DOCK4: variants seen among roughly 807,000 people sequenced by gnomAD.
DOCK4 encodes the protein dedicator of cytokinesis protein 4.
In DOCK4, 97 loss-of-function variants were observed where a neutral mutation model predicts 268.1. The ratio of observed to expected loss-of-function variants is 0.36; its 90% CI spans 0.31 to 0.43. The LOEUF is 0.43. DOCK4 is among the 20% of genes least tolerant of loss of function. DOCK4 has a pLI of 1.00. For synonymous variants in DOCK4, 954 were observed against 887.2 expected, an observed-to-expected ratio of 1.08 and a Z score of -1.34; for missense variants, 2,145 against 2,455.7, an observed-to-expected ratio of 0.87 and a Z score of 2.67.
At chr7:112,106,588 C>T (rs1398386843) in intron 1 of DOCK4, among the ~76,000 whole-genome samples, 2 of 152,224 alleles carry the variant, frequency 1.3e-5, no homozygotes, top group East Asian at 1.9e-4. Flanking sequence ...CTGCATTCCT[C>T]GCCTAGCCAA....
intron 1 of DOCK4, among the ~76,000 whole-genome samples, chr7:112,102,987 T>G (rs1810828151): frequency 6.6e-6 from 1 of 152,228 alleles, no homozygotes; most frequent in Non-Finnish European, 1.5e-5. Flanking sequence ...ATAAGAAGTT[T>G]AAAAAATGTT....
intron 1 of DOCK4, among the ~76,000 whole-genome samples, chr7:112,093,327 G>A (rs927805965): frequency 6.6e-6 from 1 of 151,884 alleles, no homozygotes; most frequent in African/African-American, 2.4e-5. Flanking sequence ...ATTCTTTCTG[G>A]GCAATTAACG....
intron 16 of DOCK4, among the ~76,000 whole-genome samples, chr7:111,885,451 T>A (rs1807759373): frequency 6.6e-6 from 1 of 152,226 alleles, no homozygotes; most frequent in South Asian, 2.1e-4. Context: ...GAAGACACTG[T>A]CTTCTCTACT....
chr7:112,142,249 G>A (rs1815002637), intron 1 of DOCK4, among the ~76,000 whole-genome samples: 1 of 152,156 alleles, frequency 6.6e-6, no homozygotes, highest in Non-Finnish European at 1.5e-5. Context: ...TGTCAAACCT[G>A]GCAGAGTATA....
chr7:111,828,761 C>T (rs1802583589), intron 26 of DOCK4, among the ~76,000 whole-genome samples: 1 of 151,724 alleles, frequency 6.6e-6, no homozygotes, highest in Non-Finnish European at 1.5e-5. Context: ...AATTATGTAG[C>T]ATCCATATAA....
intron 30 of DOCK4, among the ~76,000 whole-genome samples, chr7:111,805,478 C>T (rs1167365141): frequency 6.6e-6 from 1 of 152,144 alleles, no homozygotes; most frequent in Non-Finnish European, 1.5e-5. Flanking sequence ...TTCAAGCACA[C>T]ACAACTAAAT....
At position 112,198,374 on chromosome 7, in the gene DOCK4, A is replaced by C. The variant is rs561854252; in HGVS notation, c.37+7728T>G. Among the ~76,000 whole-genome samples the C allele has an allele frequency of 1.3e-4, 20 of 152,282 alleles. No homozygotes were observed. The South Asian group carries it at 3.9e-3, about 30-fold the overall frequency. On this transcript the variant is annotated intron_variant, in intron 1 of 52. Transcript: ENST00000428084. ...CCTAGCCTGCGGAACTGTGAGAAAC[A>C]AATTTCTTTTGTTTAAACTATCCAG...
chr7:111,983,876 A>G (rs936611758), intron 7 of DOCK4, among the ~76,000 whole-genome samples: 2 of 150,522 alleles, frequency 1.3e-5, no homozygotes, highest in African/African-American at 2.5e-5. Context: ...ACACACACAC[A>G]CACACACACA....
At chr7:111,898,752 C>T (rs971778551) in intron 15 of DOCK4, among the ~76,000 whole-genome samples, 2 of 152,124 alleles carry the variant, frequency 1.3e-5, no homozygotes, top group African/African-American at 4.8e-5. Flanking sequence ...TTCTTCTTTA[C>T]ATTTTGCTGT....
chr7:112,192,269 G>A (rs1375225815), intron 1 of DOCK4, among the ~76,000 whole-genome samples: 1 of 151,828 alleles, frequency 6.6e-6, no homozygotes, highest in Non-Finnish European at 1.5e-5. Context: ...GAATAAGAGG[G>A]GACAAGGGGG....
Position 112,094,437 on chromosome 7 carries a change from A to G in DOCK4, c.38-90306T>C, listed in dbSNP as rs574552882. Among the ~76,000 whole-genome samples the G allele has an allele frequency of 1.2e-4, 19 of 152,330 alleles. 1 individual carries two copies. In the South Asian group the frequency reaches 2.7e-3, roughly 22 times the overall value. On this transcript the variant is annotated intron_variant, in intron 1 of 52. Transcript: ENST00000428084. ...AAAAATTTTGAGTTTACATCCAGGG[A>G]ATCTCTAGTGGCTATCAGTACTGCA...
chr7:111,847,865 C>T (rs1207793196), intron 23 of DOCK4, among the ~76,000 whole-genome samples: 1 of 152,126 alleles, frequency 6.6e-6, no homozygotes, highest in African/African-American at 2.4e-5. Context: ...CCCTTTTCTC[C>T]CCAAGCCTCT....
intron 1 of DOCK4, among the ~76,000 whole-genome samples, chr7:112,082,502 A>C (rs1808686474): frequency 6.6e-6 from 1 of 152,196 alleles, no homozygotes; most frequent in Non-Finnish European, 1.5e-5. Flanking sequence ...ACCCATAGGC[A>C]CGCTGGGATT....
At chr7:111,748,570 C>T (rs1303585928) in intron 42 of DOCK4, among the ~76,000 whole-genome samples, 1 of 152,134 alleles carries the variant, frequency 6.6e-6, no homozygotes, top group Non-Finnish European at 1.5e-5. Context: ...CAATAACATA[C>T]TACTAAACAC....
chr7:111,890,452 G>C (rs1808197748), intron 16 of DOCK4, among the ~76,000 whole-genome samples: 1 of 152,074 alleles, frequency 6.6e-6, no homozygotes, highest in Non-Finnish European at 1.5e-5. Flanking sequence ...ATGTTCTGGG[G>C]GCTCTGGAAG....
intron 1 of DOCK4, among the ~76,000 whole-genome samples, chr7:112,142,246 C>A (rs1815002371): frequency 6.6e-6 from 1 of 152,150 alleles, no homozygotes; most frequent in Non-Finnish European, 1.5e-5. Context: ...GGATGTCAAA[C>A]CTGGCAGAGT....
chr7:111,838,646 C>T (rs1943614377), intron 25 of DOCK4, among the ~76,000 whole-genome samples: 1 of 151,970 alleles, frequency 6.6e-6, no homozygotes, highest in South Asian at 2.1e-4. Context: ...AAAATGTAAA[C>T]TTATGTACAG....
chr7:111,753,004 T>TGG lies in DOCK4; in HGVS notation c.4416+2510_4416+2511insCC, dbSNP rs1796778887. Among the ~76,000 whole-genome samples the TGG allele has an allele frequency of 6.0e-4, 15 of 24,974 alleles. 1 individual carries two copies. The highest frequency in any genetic ancestry group is 3.3e-3 in the Admixed American group (8 of 2,412). 16.4% of individuals were successfully genotyped at this position (24,974 alleles called of 152,430 possible). ...TATCTTAACAAAAGTTGATAAGCTATTGGGGGGGGGGTCTGTGATTTAGAA... is the reference window on the plus strand; with the variant it reads ...TATCTTAACAAAAGTTGATAAGCTATGGTGGGGGGGGGGTCTGTGATTTAGAA... On this transcript the variant is annotated intron_variant, in intron 42 of 52. Transcript: ENST00000428084.
chr7:111,931,203 G>A (rs1794173017), intron 12 of DOCK4, among the ~76,000 whole-genome samples: 1 of 152,180 alleles, frequency 6.6e-6, no homozygotes, highest in Non-Finnish European at 1.5e-5. Context: ...AGGAATCTGA[G>A]CATCACAGCA....
Sources: allele counts gnomAD v4.1 joint callset (sites outside exome capture counted in the v4.1 genomes callset), GRCh38; gene constraint gnomAD v4.1.1; transcripts MANE v1.5; gene names NCBI Gene and HGNC (gene_info 2026-07-23, HGNC 2026-07-21).